The following ZP4 variants were observed in gnomAD, a reference collection of about 807,000 sequenced individuals.
ZP4 encodes the protein zona pellucida glycoprotein 4, also known as zona pellucida sperm-binding protein 4.
In ZP4, 62 loss-of-function variants were observed where a neutral mutation model predicts 62.3. That is an observed-to-expected ratio of 0.99 (90% CI 0.81 to 1.23). The LOEUF is 1.23. ZP4 is among the 50% of genes most tolerant of loss of function. ZP4 has a pLI of 0.00. For missense variants in ZP4, 774 were observed against 656.0 expected, an observed-to-expected ratio of 1.18 and a Z score of -1.97; for synonymous variants, 289 against 247.3, an observed-to-expected ratio of 1.17 and a Z score of -1.58.
At chr1:237,883,118 A>C (rs1374058496) in intron 10 of ZP4, among the ~76,000 whole-genome samples, 5 of 152,214 alleles carry the variant, frequency 3.3e-5, no homozygotes, top group African/African-American at 9.6e-5. Context: ...TATCATGTTT[A>C]TAATTCAGAG....
intron 10 of ZP4, among the ~76,000 whole-genome samples, chr1:237,883,363 A>G (rs1222345963): frequency 6.6e-6 from 1 of 151,658 alleles, no homozygotes. Flanking sequence ...AGTGAGGAAA[A>G]AAAGCTTTCT....
Position 237,890,826 on chromosome 1 carries a change from G to T in ZP4, c.-191C>A. On this transcript the variant is annotated 5_prime_UTR_variant, in exon 1 of 12. Coordinates refer to ENST00000366570, the MANE Select transcript of ZP4 (RefSeq NM_021186.5). ...CCTCATTTGCTTTGGGGCACAGTCT[G>T]CAGCTGCCTCACATTAAATACCACA... 1 of 543,590 alleles carries T rather than the reference G, an allele frequency of 1.8e-6. No homozygotes were observed. Among genetic ancestry groups the T allele is most frequent in the South Asian group, 3.0e-5 (1 of 32,806 alleles). The allele number at this position is 543,590 out of a possible 1,614,324, so 33.7% of individuals were successfully genotyped here.
Position 237,890,791 on chromosome 1 carries a change from A to C in ZP4, c.-156T>G, listed in dbSNP as rs1299266287. 1.0e-5 allele frequency: 8 copies of C among 771,792 alleles called. No homozygotes were observed. In the Admixed American group the frequency reaches 1.6e-4, roughly 15 times the overall value. The allele number at this position is 771,792 out of a possible 1,614,324, so 47.8% of individuals were successfully genotyped here. The stretch of plus-strand genomic sequence containing the variant: ...AGGTGGGATGCCTTCAGAAAGGGGA[A>C]TTCCTCTAGCCTCATTTGCTTTGGG... On this transcript the variant is annotated 5_prime_UTR_variant, in exon 1 of 12. Transcript: ENST00000366570.
At chr1:237,888,291 C>CT in intron 4 of ZP4, 67 bp downstream of exon 4, 1 of 1,445,078 alleles carries the variant, frequency 6.9e-7, no homozygotes, top group Non-Finnish European at 9.2e-7. Context: ...GAGCAAACCC[C>CT]TCTCTGGGTT....
In ZP4 at chr1:237,885,771, G is replaced by T; in HGVS notation, c.955C>A (p.Leu319Ile). The change falls in exon 7 of 12, where the codon CTT becomes ATT. Residue 319 changes from leucine (L) to isoleucine (I), a missense_variant. By Grantham distance (5) the Leu-to-Ile change is conservative (BLOSUM62 2). Transcript: ENST00000366570. ...ETQPGPLTLE[L>I]QIAKDKNYGS... ...GGGGTCATACCTTTGGCAATCTGAA[G>T]TTCCAGAGTGAGGGGTCCAGGCTGG... 6.2e-7 allele frequency: 1 copy of T among 1,614,098 alleles called. No individual in the cohort carries two copies. Among genetic ancestry groups the T allele is most frequent in the Non-Finnish European group, 8.5e-7 (1 of 1,180,004 alleles).
At chr1:237,887,690 C>T (rs1318538306) in intron 4 of ZP4, 129 bp from the exon 5 acceptor site, 1 of 930,964 alleles carries the variant, frequency 1.1e-6, no homozygotes, top group African/African-American at 1.7e-5. Context: ...GTGACAACCT[C>T]AGTGCAAGAT....
chr1:237,887,497 T>C lies in ZP4; in HGVS notation c.618A>G (p.Pro206=). 6.2e-7 allele frequency: 1 copy of C among 1,614,184 alleles called. No individual in the cohort carries two copies. Among genetic ancestry groups the C allele is most frequent in the South Asian group, 1.1e-5 (1 of 91,078 alleles). Residue 206 remains proline (P), a synonymous_variant, in exon 5 of 12, where the codon CCA becomes CCG. Coordinates refer to ENST00000366570, the MANE Select transcript of ZP4 (RefSeq NM_021186.5). Reference sequence around the variant, plus strand: ...AGCGCACAGAATCCAAGAGCAGTGGTGGCGAGGTCACGTTCCGAGACACAG... The same window carrying C: ...AGCGCACAGAATCCAAGAGCAGTGGCGGCGAGGTCACGTTCCGAGACACAG... ...SIAVSRNVTS[P]PLLLDSVRLA...
Position 237,888,399 on chromosome 1 carries a change from T to C in ZP4, c.512A>G (p.Tyr171Cys), listed in dbSNP as rs1665158245. Reference protein sequence around the residue: ...RGDCEGLGCCYSSEEVNSCYY... With the variant: ...RGDCEGLGCCCSSEEVNSCYY... ...GCAGGAATTCACCTCTTCAGAGCTA[T>C]AACAACAGCCTAGCCCTTCACAGTC... Residue 171 changes from tyrosine to cysteine, a missense_variant, in exon 4 of 12, where the codon TAT (tyrosine) becomes TGT (cysteine). Physicochemically the swap from Tyr to Cys is radical, Grantham distance 194. Transcript: ENST00000366570. 2 of 1,606,694 alleles carry C rather than the reference T, an allele frequency of 1.2e-6. No individual in the cohort carries two copies. The highest frequency in any genetic ancestry group is 2.7e-5 in the African/African-American group (2 of 74,834).
At chr1:237,885,613 T>C in intron 7 of ZP4, 33 bp from the exon 8 acceptor site, 2 of 1,606,370 alleles carry the variant, frequency 1.2e-6, no homozygotes, top group Non-Finnish European at 1.7e-6. Flanking sequence ...TTTGAAGTAG[T>C]AATCTCTCAG....
At chr1:237,889,701 A>G (rs550918375) in intron 3 of ZP4, among the ~76,000 whole-genome samples, 166 bp downstream of exon 3, 6 of 152,256 alleles carry the variant, frequency 3.9e-5, no homozygotes, top group South Asian at 2.1e-4. Flanking sequence ...AGGAGTCTCA[A>G]TTGGTAGTTA....
chr1:237,888,456 A>G lies in ZP4; in HGVS notation c.455T>C (p.Leu152Pro), dbSNP rs747351158. Residue 152 changes from leucine to proline, a missense_variant, in exon 4 of 12, where the codon CTG (leucine) becomes CCG (proline). Physicochemically the swap from Leu to Pro is moderately conservative, Grantham distance 98. Transcript: ENST00000366570. The part of the protein sequence containing the change: ...WCDSIPARDR[L>P]PCAPSPISRG... The stretch of plus-strand genomic sequence containing the variant: ...AGAGATGGGTGAAGGTGCACATGGC[A>G]GTCTGTCCCGTGCTGGGATGGAGTC... The G allele has an allele frequency of 1.9e-5, 30 of 1,612,304 alleles. No homozygotes were observed. Among genetic ancestry groups the G allele is most frequent in the Non-Finnish European group, 2.5e-5 (30 of 1,178,926 alleles).
chr1:237,885,268 T>C lies in ZP4; in HGVS notation c.1208A>G (p.Gln403Arg), dbSNP rs1665070303. Residue 403 changes from glutamine (Q) to arginine (R), a missense_variant, in exon 9 of 12, where the codon CAG (glutamine) becomes CGG (arginine). Coordinates refer to ENST00000366570, the MANE Select transcript of ZP4 (RefSeq NM_021186.5). Reference protein sequence around the residue: ...DNYQTQLIPVQKALDLPFPSH... With the variant: ...DNYQTQLIPVRKALDLPFPSH... ...GGGAAATGGAAGATCCAAGGCTTTC[T>C]GGACAGGGATCAGCTGGGTCTGATA... 1 of 1,614,038 alleles carries C rather than the reference T, an allele frequency of 6.2e-7. No individual in the cohort carries two copies.
At position 237,884,757 on chromosome 1, in the gene ZP4, T is replaced by A. The variant is rs771366793; in HGVS notation, c.1390+12A>T. 3.7e-6 allele frequency: 6 copies of A among 1,612,358 alleles called. No individual in the cohort carries two copies. Among genetic ancestry groups the A allele is most frequent in the Non-Finnish European group, 5.1e-6 (6 of 1,179,100 alleles). On this transcript the variant is annotated intron_variant, in intron 10 of 11. Coordinates refer to ENST00000366570, the MANE Select transcript of ZP4 (RefSeq NM_021186.5). ...TCATTCAAATCTGTCCTCTAACAGC[T>A]TGGTTACTCACGACTGAGATCAGGA...
At chr1:237,884,003 C>CACACAAACACACACAA (rs1665021084) in intron 10 of ZP4, among the ~76,000 whole-genome samples, 1 of 92,402 alleles carries the variant, frequency 1.1e-5, no homozygotes, top group African/African-American at 4.4e-5. Flanking sequence ...CACACACACA[C>CACACAAACACACACAA]ACACACACAC....
Position 237,889,969 on chromosome 1 carries a change from C to A in ZP4, c.298G>T (p.Asp100Tyr), listed in dbSNP as rs1254995855. 6.2e-7 allele frequency: 1 copy of A among 1,614,124 alleles called. No homozygotes were observed. Among genetic ancestry groups the A allele is most frequent in the South Asian group, 1.1e-5 (1 of 91,088 alleles). Residue 100 changes from aspartate (D) to tyrosine (Y), a missense_variant and splice_region_variant, in exon 3 of 12, where the codon GAC becomes TAC. Coordinates refer to ENST00000366570, the MANE Select transcript of ZP4 (RefSeq NM_021186.5). ...TYSSCYVTEW[D>Y]SHYIMPVGVE... is the part of the protein sequence containing the mutation. ...CCAACTGGCATGATGTAGTGGGAGT[C>A]CTGGAGAGACAGGCCCTTGGGGGTC...
At chr1:237,883,521 C>G (rs1187051089) in intron 10 of ZP4, among the ~76,000 whole-genome samples, 2 of 150,616 alleles carry the variant, frequency 1.3e-5, no homozygotes, top group African/African-American at 4.9e-5. Context: ...TCAAGACCAG[C>G]CTGGCCAACG....
At chr1:237,889,121 T>G (rs774092333) in intron 3 of ZP4, among the ~76,000 whole-genome samples, 1 of 152,120 alleles carries the variant, frequency 6.6e-6, no homozygotes, top group Non-Finnish European at 1.5e-5. Flanking sequence ...ATGGAAGACC[T>G]GGGTCCTAGT....
Position 237,885,797 on chromosome 1 carries a change from G to C in ZP4, c.929C>G (p.Thr310Ser), listed in dbSNP as rs1048483446. The C allele has an allele frequency of 2.5e-6, 4 of 1,614,160 alleles. No homozygotes were observed. The highest frequency in any genetic ancestry group is 3.4e-6 in the Non-Finnish European group (4 of 1,180,028). Residue 310 changes from threonine to serine, a missense_variant, in exon 7 of 12, where the codon ACC (threonine) becomes AGC (serine). By Grantham distance (58) the Thr-to-Ser change is moderately conservative. Coordinates refer to ENST00000366570, the MANE Select transcript of ZP4 (RefSeq NM_021186.5). ...VFTLPPPFPETQPGPLTLELQ... is the reference protein window; with the variant it reads ...VFTLPPPFPESQPGPLTLELQ... Reference sequence around the variant, plus strand: ...TTCCAGAGTGAGGGGTCCAGGCTGGGTCTCAGGAAAGGGTGGTGGGAGAGT... The same window carrying C: ...TTCCAGAGTGAGGGGTCCAGGCTGGCTCTCAGGAAAGGGTGGTGGGAGAGT...
Position 237,882,436 on chromosome 1 carries a change from G to A in ZP4, c.1609C>T (p.Gln537Ter). The A allele has an allele frequency of 6.2e-7, 1 of 1,610,672 alleles. No individual in the cohort carries two copies. The change falls in exon 12 of 12, where the codon CAA (glutamine) becomes TAA (stop). Residue 537 changes from glutamine (Q) to a stop codon, truncating the protein, a stop_gained. Transcript: ENST00000366570. LOFTEE classifies it high-confidence loss of function. ...AVKKQKSCPD[Q>*]MCQ ...ACACTCTGGTTTTATTGACACATTTGGTCTGGGCAACTCTTCTGTTTCTTG... is the reference window on the plus strand; with the variant it reads ...ACACTCTGGTTTTATTGACACATTTAGTCTGGGCAACTCTTCTGTTTCTTG...
Sources: allele counts gnomAD v4.1 joint callset (sites outside exome capture counted in the v4.1 genomes callset), GRCh38; gene constraint gnomAD v4.1.1; transcripts MANE v1.5; gene names NCBI Gene and HGNC (gene_info 2026-07-23, HGNC 2026-07-21).